Variants in MAPK10 observed in about 807,000 individuals in gnomAD.
The protein encoded by MAPK10 is mitogen-activated protein kinase 10.
Under a neutral mutation model 59.3 loss-of-function variants are expected in MAPK10, and 25 were observed. The observed-to-expected ratio is 0.42, with a 90% CI of 0.31 to 0.59. The LOEUF is 0.59. Ranked by LOEUF, MAPK10 falls within the 20% of genes least tolerant of loss-of-function variation. The pLI, the probability that MAPK10 is intolerant of heterozygous loss-of-function variation, is 0.15. For missense variants in MAPK10, 351 were observed against 568.9 expected (o/e 0.62, Z 3.90); for synonymous variants, 190 against 200.5 (o/e 0.95, Z 0.44).
intron 1 of MAPK10, among the ~76,000 whole-genome samples, chr4:86,452,520 C>T (rs892424753): frequency 6.6e-6 from 1 of 151,908 alleles, no homozygotes; most frequent in Non-Finnish European, 1.5e-5. Flanking sequence ...ACAATGCGCA[C>T]GCACACACAC....
At chr4:86,320,693 T>G (rs936379044) in intron 2 of MAPK10, among the ~76,000 whole-genome samples, 11 of 152,226 alleles carry the variant, frequency 7.2e-5, no homozygotes, top group African/African-American at 2.7e-4. Context: ...TGGCTTTTGT[T>G]GCCATTGCTT....
intron 1 of MAPK10, among the ~76,000 whole-genome samples, chr4:86,592,801 T>G (rs2149119034): frequency 6.6e-6 from 1 of 152,344 alleles, no homozygotes; most frequent in East Asian, 1.9e-4. Context: ...CAAAGCCCAG[T>G]GTAAATTCCC....
chr4:86,140,473 A>G (rs1369070515), intron 4 of MAPK10, among the ~76,000 whole-genome samples: 1 of 141,732 alleles, frequency 7.1e-6, no homozygotes, highest in African/African-American at 2.9e-5. Context: ...CATGGGTGGG[A>G]ATTGAACAAT....
intron 1 of MAPK10, among the ~76,000 whole-genome samples, chr4:86,437,871 A>G (rs193212581): frequency 3.9e-5 from 6 of 152,340 alleles, no homozygotes; most frequent in Admixed American, 1.3e-4. Flanking sequence ...ATGCATAAAT[A>G]AACTGTACTA....
chr4:86,151,881 G>C (rs2066564281), intron 4 of MAPK10: 2 of 152,228 alleles, frequency 1.3e-5, no homozygotes, highest in African/African-American at 2.4e-5. Context: ...AGATGTATTA[G>C]ATCTTCTGTA....
intron 3 of MAPK10, among the ~76,000 whole-genome samples, chr4:86,188,869 G>A (rs745655331): frequency 3.9e-5 from 6 of 151,970 alleles, no homozygotes; most frequent in East Asian, 1.9e-4. Context: ...CGGTTTTTAC[G>A]GTTTTTATGG....
intron 2 of MAPK10, among the ~76,000 whole-genome samples, chr4:86,319,583 G>T (rs1345798134): frequency 6.6e-6 from 1 of 152,222 alleles, no homozygotes; most frequent in South Asian, 2.1e-4. Flanking sequence ...AGCTGCAGTG[G>T]ACAGTTCCAA....
chr4:86,064,476 T>C, intron 10 of MAPK10, 86 bp from the exon 11 acceptor site: 1 of 1,256,056 alleles, frequency 8.0e-7, no homozygotes, highest in South Asian at 1.3e-5. Flanking sequence ...GAAAACAAAG[T>C]ATGGAATAGT....
At chr4:86,580,030 C>T (rs950808789) in intron 1 of MAPK10, among the ~76,000 whole-genome samples, 4 of 151,974 alleles carry the variant, frequency 2.6e-5, no homozygotes, top group African/African-American at 9.7e-5. Flanking sequence ...CCAGGTTGCT[C>T]TTGAACTCTG....
intron 1 of MAPK10, among the ~76,000 whole-genome samples, chr4:86,407,777 T>C (rs1255951859): frequency 6.6e-6 from 1 of 152,088 alleles, no homozygotes; most frequent in African/African-American, 2.4e-5. Context: ...GAATAAATGG[T>C]GACAGGAATC....
intron 2 of MAPK10, among the ~76,000 whole-genome samples, chr4:86,351,392 CACAA>C (rs761386112): frequency 0.037 from 2,604 of 70,542 alleles, 28 homozygotes; most frequent in Non-Finnish European, 0.045. Flanking sequence ...AGTGTGTATA[CACAA>C]ACACACACAC....
At chr4:86,482,326 T>TA (rs1274719049) in intron 1 of MAPK10, among the ~76,000 whole-genome samples, 1 of 152,150 alleles carries the variant, frequency 6.6e-6, no homozygotes, top group East Asian at 1.9e-4. Context: ...GCCAAAAACT[T>TA]AGTGTTACTG....
rs1306151906 is a variant in MAPK10, at chr4:86,194,004, T to C, written c.66+332A>G. The C allele has an allele frequency of 7.7e-5, 20 of 258,452 alleles. No homozygotes were observed. In the East Asian group the frequency reaches 1.3e-3, roughly 17 times the overall value. The allele number at this position is 258,452 out of a possible 1,614,324, so 16.0% of individuals were successfully genotyped here. A position where few individuals can be genotyped will look rare whatever the true frequency, so the allele number is the denominator to read the frequency against. ...GGCTTCCCTTGGCTAGGAGAGGGAG[T>C]TCCCTGACCCCTTGCACTTCCTGGG... On this transcript the variant is annotated intron_variant, in intron 3 of 13. Transcript: ENST00000641462.
At chr4:86,269,569 T>C (rs1319836337) in intron 2 of MAPK10, among the ~76,000 whole-genome samples, 1 of 152,078 alleles carries the variant, frequency 6.6e-6, no homozygotes, top group Non-Finnish European at 1.5e-5. Flanking sequence ...TTACACCTAC[T>C]CTCTCGCCTC....
intron 1 of MAPK10, among the ~76,000 whole-genome samples, chr4:86,375,713 T>TAAAAAAA (rs56189009): frequency 1.3e-3 from 43 of 33,332 alleles, no homozygotes; most frequent in African/African-American, 3.0e-3. Flanking sequence ...AGGTCCACTC[T>TAAAAAAA]AAAAAAAAAA....
At chr4:86,392,509 C>G (rs180852682) in intron 1 of MAPK10, 2 of 151,662 alleles carry the variant, frequency 1.3e-5, no homozygotes. Flanking sequence ...CAAGACACAC[C>G]TGTTCAGTTA....
At chr4:86,533,460 T>G (rs902649477) in intron 1 of MAPK10, among the ~76,000 whole-genome samples, 8 of 152,126 alleles carry the variant, frequency 5.3e-5, no homozygotes, top group African/African-American at 1.7e-4. Context: ...AATGAATTGT[T>G]CAAAAAAGTA....
intron 1 of MAPK10, among the ~76,000 whole-genome samples, chr4:86,397,884 A>AC (rs1381065349): frequency 2.0e-5 from 3 of 151,514 alleles, no homozygotes; most frequent in Non-Finnish European, 4.4e-5. Context: ...AAAAAAAAAA[A>AC]AAAAAACTGG....
chr4:86,265,237 G>C (rs1010205418), intron 2 of MAPK10, among the ~76,000 whole-genome samples: 1 of 151,976 alleles, frequency 6.6e-6, no homozygotes, highest in South Asian at 2.1e-4. Flanking sequence ...GATATGGGCC[G>C]GACACAGTGG....
Sources: gnomAD v4.1 joint callset for allele counts (sites outside exome capture counted in the v4.1 genomes callset) on GRCh38, gnomAD v4.1.1 for gene constraint, MANE v1.5 for transcripts, NCBI Gene and HGNC (gene_info 2026-07-23, HGNC 2026-07-21) for gene names.